DNAH8: variants seen among roughly 807,000 people sequenced by gnomAD.
The protein encoded by DNAH8 is dynein axonemal heavy chain 8, also known as axonemal beta dynein heavy chain 8.
DNAH8 carries 382 observed loss-of-function variants against 562.1 expected under a neutral mutation model. The observed-to-expected ratio is 0.68, with a 90% CI of 0.63 to 0.74. The LOEUF is 0.74. Ranked by LOEUF, DNAH8 falls within the 30% of genes least tolerant of loss-of-function variation. The pLI is 0.00. For synonymous variants in DNAH8, 1,881 were observed against 1,919.4 expected, an observed-to-expected ratio of 0.98 and a Z score of 0.52; for missense variants, 5,203 against 5,620.4, an observed-to-expected ratio of 0.93 and a Z score of 2.37.
intron 26 of DNAH8, among the ~76,000 whole-genome samples, chr6:38,821,988 T>C (rs574933284): frequency 1.3e-5 from 2 of 152,210 alleles, no homozygotes; most frequent in African/African-American, 4.8e-5. Flanking sequence ...TTCTTTTATC[T>C]CTATTTGAAT....
In DNAH8 at chr6:39,012,196, ATTG is replaced by A; in HGVS notation, c.13372-16_13372-14del. 1.3e-6 allele frequency: 2 copies of A among 1,571,282 alleles called. No individual in the cohort carries two copies. The highest frequency in any genetic ancestry group is 1.7e-6 in the Non-Finnish European group (2 of 1,151,654). On this transcript the variant is annotated splice_polypyrimidine_tract_variant and intron_variant, in intron 89 of 92. Transcript: ENST00000327475. ...CAGATGAGAAAATCTCCTTTATTGC[ATTG>A]TTTACTTTGTTTTAGGTGAAATCTC...
chr6:38,760,526 C>A (rs951263039), intron 10 of DNAH8, among the ~76,000 whole-genome samples: 1 of 151,292 alleles, frequency 6.6e-6, no homozygotes, highest in South Asian at 2.1e-4. Flanking sequence ...ACTTTCCTTT[C>A]TCTTTATTCC....
At chr6:38,748,513 G>A (rs1306452057) in intron 8 of DNAH8, among the ~76,000 whole-genome samples, 2 of 152,032 alleles carry the variant, frequency 1.3e-5, no homozygotes. Flanking sequence ...TTTTTGCTGA[G>A]TAGACCTCTC....
chr6:38,830,799 C>A (rs1173662962), intron 30 of DNAH8, among the ~76,000 whole-genome samples: 2 of 152,100 alleles, frequency 1.3e-5, no homozygotes, highest in African/African-American at 4.8e-5. Context: ...CAAGGAGACA[C>A]AAAACTGAAG....
At chr6:38,914,392 CTTTTTTTTTTTT>C (rs66765653) in intron 67 of DNAH8, among the ~76,000 whole-genome samples, 33 of 63,986 alleles carry the variant, frequency 5.2e-4, no homozygotes, top group African/African-American at 2.1e-3. Flanking sequence ...TGCTTTTTCT[CTTTTTTTTTTTT>C]TTTTTTTTTT....
At chr6:38,721,928 AT>A (rs1762788020) in intron 1 of DNAH8, among the ~76,000 whole-genome samples, 1 of 152,092 alleles carries the variant, frequency 6.6e-6, no homozygotes, top group Non-Finnish European at 1.5e-5. Context: ...TTCTCCAAGT[AT>A]TTACTATTAT....
chr6:38,938,374 A>G (rs1344862747), intron 78 of DNAH8, 148 bp downstream of exon 78: 1 of 914,174 alleles, frequency 1.1e-6, no homozygotes, highest in African/African-American at 1.7e-5. Flanking sequence ...GATAAAGAAA[A>G]GGTGGTACAT....
chr6:38,917,740 A>G (rs993780225), intron 69 of DNAH8, among the ~76,000 whole-genome samples, 185 bp from the exon 70 acceptor site: 1 of 152,198 alleles, frequency 6.6e-6, no homozygotes, highest in African/African-American at 2.4e-5. Flanking sequence ...TACTCTTTCC[A>G]CATGGAATCC....
At chr6:38,814,401 T>C (rs943890550) in intron 25 of DNAH8, among the ~76,000 whole-genome samples, 8 of 152,086 alleles carry the variant, frequency 5.3e-5, no homozygotes, top group Admixed American at 5.2e-4. Flanking sequence ...GCCAACATGG[T>C]GAAACCCCGT....
intron 82 of DNAH8, among the ~76,000 whole-genome samples, chr6:38,969,182 G>A (rs1763171648): frequency 6.6e-6 from 1 of 152,064 alleles, no homozygotes; most frequent in South Asian, 2.1e-4. Flanking sequence ...GGAATTAGAT[G>A]ATTTGATAGT....
chr6:38,793,172 T>C (rs1769914107), intron 21 of DNAH8, among the ~76,000 whole-genome samples: 1 of 152,066 alleles, frequency 6.6e-6, no homozygotes, highest in Admixed American at 6.5e-5. Flanking sequence ...ATTAATTTAG[T>C]TTTTTGAGAT....
chr6:38,998,571 A>G (rs1245934383), intron 88 of DNAH8, among the ~76,000 whole-genome samples: 1 of 152,188 alleles, frequency 6.6e-6, no homozygotes, highest in Non-Finnish European at 1.5e-5. Context: ...AGATTTTTTG[A>G]AAAATTTATG....
chr6:38,895,745 AAG>A lies in DNAH8; in HGVS notation c.8748-285_8748-284del, dbSNP rs141442704. ...TGTGTACTGAATCCACCAACCCAGA[AAG>A]AGGACGCTCGTCCACTACCGACCAT... On this transcript the variant is annotated intron_variant, in intron 59 of 92. Coordinates refer to ENST00000327475, the MANE Select transcript of DNAH8 (RefSeq NM_001206927.2). Among the ~76,000 whole-genome samples, 1,047 of 152,282 alleles carry A rather than the reference AAG, an allele frequency of 6.9e-3. 13 individuals are homozygous for A. The highest frequency in any genetic ancestry group is 0.024 in the African/African-American group (978 of 41,548).
chr6:38,781,357 C>T lies in DNAH8; in HGVS notation c.2243C>T (p.Pro748Leu), dbSNP rs781203182. ...CAGCTCTATCGCCGGATAAGTGAGC[C>T]CATCAATTATTTCTTTGTAAGCCAA... ...VRQLYRRISE[P>L]INYFFKNSDI... The change falls in exon 16 of 93, where the codon CCC becomes CTC. Residue 748 changes from proline to leucine, a missense_variant. Around this residue, in one of 6 missense-constraint regions of DNAH8, gnomAD observed 2,176 missense variants for 2,365.1 expected, o/e 0.92. Transcript: ENST00000327475. The T allele has an allele frequency of 1.2e-5, 19 of 1,612,590 alleles. No homozygotes were observed. The highest frequency in any genetic ancestry group is 1.6e-5 in the Non-Finnish European group (19 of 1,179,290).
chr6:38,884,013 T>C lies in DNAH8; in HGVS notation c.8259+15T>C, dbSNP rs1337591682. The C allele has an allele frequency of 6.7e-7, 1 of 1,503,476 alleles. No individual in the cohort carries two copies. Among genetic ancestry groups the C allele is most frequent in the East Asian group, 2.5e-5 (1 of 40,342 alleles). The allele number at this position is 1,503,476 out of a possible 1,614,324, so 93.1% of individuals were successfully genotyped here. A position where few individuals can be genotyped will look rare whatever the true frequency, so the allele number is the denominator to read the frequency against. On this transcript the variant is annotated intron_variant, in intron 56 of 92. Transcript: ENST00000327475. Reference sequence around the variant, plus strand: ...GGGGAGATCAGGTATGGCTGAAATATCTCATATAGATGATCCTGAATTTGT... The same window carrying C: ...GGGGAGATCAGGTATGGCTGAAATACCTCATATAGATGATCCTGAATTTGT...
chr6:38,753,293 G>A (rs192216775), intron 9 of DNAH8, among the ~76,000 whole-genome samples: 3 of 152,248 alleles, frequency 2.0e-5, no homozygotes, highest in African/African-American at 7.2e-5. Context: ...GCCTTTGCTT[G>A]GCTTACTTGG....
At position 38,883,889 on chromosome 6, in the gene DNAH8, G is replaced by A. The variant is rs1197379839; in HGVS notation, c.8150G>A (p.Ser2717Asn). 3.2e-6 allele frequency: 5 copies of A among 1,583,204 alleles called. No individual in the cohort carries two copies. The highest frequency in any genetic ancestry group is 2.3e-5 in the East Asian group (1 of 43,512). The change falls in exon 56 of 93, where the codon AGC (serine) becomes AAC (asparagine). Residue 2717 changes from serine to asparagine, a missense_variant. Around this residue, in one of 6 missense-constraint regions of DNAH8, gnomAD observed 977 missense variants for 1,061.8 expected, o/e 0.92. Coordinates refer to ENST00000327475, the MANE Select transcript of DNAH8 (RefSeq NM_001206927.2). Reference protein sequence around the residue: ...EPMMFQRTIESYVDKRIGSTY... With the variant: ...EPMMFQRTIENYVDKRIGSTY... The stretch of plus-strand genomic sequence containing the variant: ...CCTTCTCTCTAGAGAACAATTGAAA[G>A]CTACGTGGATAAGCGAATTGGAAGC...
In DNAH8 at chr6:38,917,471, A is replaced by G. The variant is rs954751619; in HGVS notation, c.10308+65A>G. ...CAGGCGTCCTCAGCCCAGGACACTC[A>G]ATATAGACCAGACAAACTGGCAGAC... is the stretch of plus-strand genomic sequence containing the variant. On this transcript the variant is annotated intron_variant, in intron 69 of 92. Transcript: ENST00000327475. 10 of 1,307,356 alleles carry G rather than the reference A, an allele frequency of 7.6e-6. No individual in the cohort carries two copies. The African/African-American group carries it at 1.5e-4, about 19-fold the overall frequency. 81.0% of individuals were successfully genotyped at this position (1,307,356 alleles called of 1,614,324 possible).
At position 38,783,059 on chromosome 6, in the gene DNAH8, A is replaced by G. The variant is rs1347873868; in HGVS notation, c.2315A>G (p.Asn772Ser). 1.9e-6 allele frequency: 3 copies of G among 1,613,930 alleles called. No individual in the cohort carries two copies. The highest frequency in any genetic ancestry group is 2.5e-6 in the Non-Finnish European group (3 of 1,179,884). ...PDGKAVIRQY[N>S]KISYVLVEFE... ...GGTAAAGCTGTCATCCGTCAGTATA[A>G]CAAGATCTCCTATGTGCTGGTGGAA... Residue 772 changes from asparagine (N) to serine (S), a missense_variant, in exon 17 of 93, where the codon AAC (asparagine) becomes AGC (serine). Asn to Ser is a conservative substitution (Grantham distance 46). This residue lies in a region of DNAH8 where 2,176 missense variants were observed against 2,365.1 expected (regional missense o/e 0.92). Coordinates refer to ENST00000327475, the MANE Select transcript of DNAH8 (RefSeq NM_001206927.2).
Sources: allele counts gnomAD v4.1 joint callset (sites outside exome capture counted in the v4.1 genomes callset), GRCh38; gene constraint gnomAD v4.1.1; regional missense constraint gnomAD v4.1.1; transcripts MANE v1.5; gene names NCBI Gene and HGNC (gene_info 2026-07-23, HGNC 2026-07-21).